KIRREL3: variants seen among roughly 807,000 people sequenced by gnomAD.
The protein encoded by KIRREL3 is kin of IRRE-like protein 3.
A neutral mutation model predicts 89.7 loss-of-function variants in KIRREL3; 36 were observed. The ratio of observed to expected loss-of-function variants is 0.40; its 90% CI spans 0.31 to 0.53. The LOEUF (loss-of-function observed/expected upper bound fraction) is 0.53. Ranked by LOEUF, KIRREL3 falls within the 20% of genes least tolerant of loss-of-function variation. The probability of loss-of-function intolerance (pLI) is 0.49; values close to 1 mark genes in which losing one functional copy is unlikely to be tolerated. For missense variants in KIRREL3, 864 were observed against 1,056.6 expected, an observed-to-expected ratio of 0.82 and a Z score of 2.53; for synonymous variants, 445 against 441.4, an observed-to-expected ratio of 1.01 and a Z score of -0.10.
At chr11:126,998,789 CA>C (rs1156315850) in intron 1 of KIRREL3, among the ~76,000 whole-genome samples, 6 of 152,182 alleles carry the variant, frequency 3.9e-5, no homozygotes, top group Non-Finnish European at 8.8e-5. Flanking sequence ...CTGATTAAAG[CA>C]TGCACTGGTC....
chr11:126,597,806 T>C (rs1422677054), intron 1 of KIRREL3, among the ~76,000 whole-genome samples: 1 of 152,242 alleles, frequency 6.6e-6, no homozygotes, highest in African/African-American at 2.4e-5. Flanking sequence ...CAAAAATGTA[T>C]GCAATTGGTC....
At chr11:126,777,850 C>T (rs945116409) in intron 1 of KIRREL3, among the ~76,000 whole-genome samples, 2 of 152,110 alleles carry the variant, frequency 1.3e-5, no homozygotes, top group Admixed American at 1.3e-4. Context: ...TCCTTGAAGA[C>T]AGGAACCATG....
In KIRREL3 at chr11:126,568,921, CT is replaced by C. The variant is rs1565558357; in HGVS notation, c.56-6010del. On this transcript the variant is annotated intron_variant, in intron 1 of 16. Transcript: ENST00000525144. This position sits in a 1 kb window ranked among gnomAD's most constrained non-coding sequence, Gnocchi z 4.6. ...ATATAATGAGCTATTAGGTTGCATACTTCCCAGGTTAGCACGTAGCCAACAG... is the reference window on the plus strand; with the variant it reads ...ATATAATGAGCTATTAGGTTGCATACTCCCAGGTTAGCACGTAGCCAACAG... Among the ~76,000 whole-genome samples, 1 of 151,722 alleles carries C rather than the reference CT, an allele frequency of 6.6e-6. No individual in the cohort carries two copies. Among genetic ancestry groups the C allele is most frequent in the African/African-American group, 2.4e-5 (1 of 41,310 alleles).
chr11:126,777,518 G>C (rs993086371), intron 1 of KIRREL3, among the ~76,000 whole-genome samples: 3 of 152,186 alleles, frequency 2.0e-5, no homozygotes, highest in Non-Finnish European at 2.9e-5. Context: ...TAAAAGGCCA[G>C]AGCAGAGCTG....
At position 126,431,682 on chromosome 11, in the gene KIRREL3, C is replaced by T. The variant is rs192788690; in HGVS notation, c.1589-156G>A. Reference sequence around the variant, plus strand: ...CTGGGCAGGCACAGGCCGAGTCCAACTGGGGTCAGCTCTAGCTGGGACTGC... The same window carrying T: ...CTGGGCAGGCACAGGCCGAGTCCAATTGGGGTCAGCTCTAGCTGGGACTGC... On this transcript the variant is annotated intron_variant, in intron 13 of 16. Coordinates refer to ENST00000525144, the MANE Select transcript of KIRREL3 (RefSeq NM_032531.4). This position sits in a 1 kb window ranked among gnomAD's most constrained non-coding sequence, Gnocchi z 7.1. 4.9e-3 allele frequency among the ~76,000 whole-genome samples: 749 copies of T among 152,326 alleles called. 5 individuals are homozygous for T. The highest frequency in any genetic ancestry group is 0.017 in the African/African-American group (692 of 41,568).
intron 1 of KIRREL3, among the ~76,000 whole-genome samples, chr11:126,701,866 A>G (rs1435175569): frequency 6.6e-6 from 1 of 152,162 alleles, no homozygotes; most frequent in Non-Finnish European, 1.5e-5. Context: ...AGGTGCCATG[A>G]AAGATTTTTA....
Position 126,574,452 on chromosome 11 carries a change from C to T in KIRREL3, c.56-11540G>A, listed in dbSNP as rs1941145985. Among the ~76,000 whole-genome samples the T allele has an allele frequency of 6.6e-6, 1 of 152,126 alleles. No homozygotes were observed. The highest frequency in any genetic ancestry group is 2.1e-4 in the South Asian group (1 of 4,824). On this transcript the variant is annotated intron_variant, in intron 1 of 16. Coordinates refer to ENST00000525144, the MANE Select transcript of KIRREL3 (RefSeq NM_032531.4). The surrounding 1 kb of genome is among the most constrained non-coding windows in gnomAD (Gnocchi z 5.3). Reference sequence around the variant, plus strand: ...GTATGGAATCAACCTCAAACAGGTCCAGGGGAGCGATTCTGAGCCACCAGC... The same window carrying T: ...GTATGGAATCAACCTCAAACAGGTCTAGGGGAGCGATTCTGAGCCACCAGC...
chr11:126,858,722 G>A (rs1944616179), intron 1 of KIRREL3, among the ~76,000 whole-genome samples: 1 of 152,180 alleles, frequency 6.6e-6, no homozygotes, highest in South Asian at 2.1e-4. Context: ...TGAAAGATGT[G>A]TAAACAGTTC....
In KIRREL3 at chr11:126,995,350, A is replaced by G. The variant is rs1198873014; in HGVS notation, c.55+5105T>C. On this transcript the variant is annotated intron_variant, in intron 1 of 16. Transcript: ENST00000525144. The surrounding 1 kb of genome is among the most constrained non-coding windows in gnomAD (Gnocchi z 6.5). The stretch of plus-strand genomic sequence containing the variant: ...TGCATTCCAGCATGCTCATGATCTT[A>G]CTGACCTTCTCCACTGATGAATTAG... 1 of 456,220 alleles carries G rather than the reference A, an allele frequency of 2.2e-6. No homozygotes were observed. Among genetic ancestry groups the G allele is most frequent in the Non-Finnish European group, 4.4e-6 (1 of 226,962 alleles). 28.3% of individuals were successfully genotyped at this position (456,220 alleles called of 1,614,324 possible). A position where few individuals can be genotyped will look rare whatever the true frequency, so the allele number is the denominator to read the frequency against.
chr11:126,657,344 G>A (rs1230065122), intron 1 of KIRREL3, among the ~76,000 whole-genome samples: 2 of 152,290 alleles, frequency 1.3e-5, no homozygotes, highest in South Asian at 4.1e-4. Context: ...AAATATTAGA[G>A]AAATAGTGGG....
rs1683183276 is a variant in KIRREL3 at position 126,669,743 on chromosome 11, A to G, written c.56-106831T>C. On this transcript the variant is annotated intron_variant, in intron 1 of 16. Coordinates refer to ENST00000525144, the MANE Select transcript of KIRREL3 (RefSeq NM_032531.4). This position sits in a 1 kb window ranked among gnomAD's most constrained non-coding sequence, Gnocchi z 5.0. ...TTTTGCATGAAACTCCAAGGCTTTAAATACCATTGAGATACAGATGATTTT... is the reference window on the plus strand; with the variant it reads ...TTTTGCATGAAACTCCAAGGCTTTAGATACCATTGAGATACAGATGATTTT... Among the ~76,000 whole-genome samples the G allele has an allele frequency of 1.3e-5, 2 of 152,194 alleles. No individual in the cohort carries two copies.
intron 1 of KIRREL3, among the ~76,000 whole-genome samples, chr11:126,926,717 G>A (rs1565428904): frequency 6.6e-6 from 1 of 152,208 alleles, no homozygotes; most frequent in Non-Finnish European, 1.5e-5. Flanking sequence ...CTGTGGTTGG[G>A]ATGCAGTGCA....
At chr11:126,679,480 T>G (rs1385453487) in intron 1 of KIRREL3, among the ~76,000 whole-genome samples, 2 of 152,202 alleles carry the variant, frequency 1.3e-5, no homozygotes, top group Non-Finnish European at 2.9e-5. Context: ...TGACCTCTGT[T>G]TTATAAAGGA....
intron 1 of KIRREL3, among the ~76,000 whole-genome samples, chr11:126,826,160 T>G (rs1308103565): frequency 6.6e-6 from 1 of 152,150 alleles, no homozygotes; most frequent in Non-Finnish European, 1.5e-5. Flanking sequence ...TTGTGAAACC[T>G]CTGTCTGTGT....
chr11:126,545,659 C>T (rs1218756462), intron 2 of KIRREL3, among the ~76,000 whole-genome samples: 1 of 132,190 alleles, frequency 7.6e-6, no homozygotes, highest in Non-Finnish European at 1.6e-5. Flanking sequence ...TAAAGAACTC[C>T]TGGATGACTG....
In KIRREL3 at chr11:126,925,886, A is replaced by C. The variant is rs1057007344; in HGVS notation, c.55+74569T>G. 3.3e-5 allele frequency among the ~76,000 whole-genome samples: 5 copies of C among 152,244 alleles called. No homozygotes were observed. The East Asian group carries it at 9.6e-4, about 29-fold the overall frequency. On this transcript the variant is annotated intron_variant, in intron 1 of 16. Coordinates refer to ENST00000525144, the MANE Select transcript of KIRREL3 (RefSeq NM_032531.4). ...CCTCCTCTATCTGTGACAGTCAGAG[A>C]ACAGGGCTTTCTGCCAGGTTGACAT...
Position 126,974,511 on chromosome 11 carries a change from C to T in KIRREL3, c.55+25944G>A, listed in dbSNP as rs1385688448. Among the ~76,000 whole-genome samples the T allele has an allele frequency of 4.2e-5, 4 of 95,996 alleles. 1 individual carries two copies. Among genetic ancestry groups the T allele is most frequent in the Non-Finnish European group, 9.1e-5 (4 of 44,156 alleles). The allele number at this position is 95,996 out of a possible 152,430, so 63.0% of individuals were successfully genotyped here. On this transcript the variant is annotated intron_variant, in intron 1 of 16. Coordinates refer to ENST00000525144, the MANE Select transcript of KIRREL3 (RefSeq NM_032531.4). ...AGGCTACATGATATAGCCCGTTACACACCTAGGCTACATGGTATAGCCCAT... is the reference window on the plus strand; with the variant it reads ...AGGCTACATGATATAGCCCGTTACATACCTAGGCTACATGGTATAGCCCAT...
At chr11:126,858,761 T>G (rs1197408584) in intron 1 of KIRREL3, among the ~76,000 whole-genome samples, 1 of 152,218 alleles carries the variant, frequency 6.6e-6, no homozygotes, top group East Asian at 1.9e-4. Flanking sequence ...AGGCAGTGTC[T>G]TCTGCAAATG....
Position 126,729,170 on chromosome 11 carries a change from C to G in KIRREL3, c.56-166258G>C, listed in dbSNP as rs890014684. Among the ~76,000 whole-genome samples, 2 of 152,102 alleles carry G rather than the reference C, an allele frequency of 1.3e-5. No homozygotes were observed. The highest frequency in any genetic ancestry group is 4.8e-5 in the African/African-American group (2 of 41,410). On this transcript the variant is annotated intron_variant, in intron 1 of 16. Coordinates refer to ENST00000525144, the MANE Select transcript of KIRREL3 (RefSeq NM_032531.4). The surrounding 1 kb of genome is among the most constrained non-coding windows in gnomAD (Gnocchi z 4.5). ...AGTCCTGTGGAATGTGTGGTTGGAG[C>G]AAAAAGATGAAGAGTGAGTCTAAGA...
Sources: allele counts gnomAD v4.1 joint callset (sites outside exome capture counted in the v4.1 genomes callset), GRCh38; gene constraint gnomAD v4.1.1; non-coding constraint Gnocchi (gnomAD v3.1); transcripts MANE v1.5; gene names NCBI Gene and HGNC (gene_info 2026-07-23, HGNC 2026-07-21).